The following NALF1 variants were observed in gnomAD, a reference collection of about 807,000 sequenced individuals.
The protein encoded by NALF1 is family with sequence similarity 155 member A.
A neutral mutation model predicts 48.4 loss-of-function variants in NALF1; 3 were observed. The observed-to-expected ratio is 0.06, with a 90% CI of 0.03 to 0.16. The LOEUF (loss-of-function observed/expected upper bound fraction) is 0.16, where lower values mean the gene tolerates loss of function less well. Among genes scored for constraint, NALF1 ranks in the 10% least tolerant of loss-of-function variants. NALF1 has a pLI of 1.00. For synonymous variants in NALF1, 262 were observed against 245.7 expected, an observed-to-expected ratio of 1.07 and a Z score of -0.62; for missense variants, 526 against 571.5, an observed-to-expected ratio of 0.92 and a Z score of 0.81.
intron 1 of NALF1, among the ~76,000 whole-genome samples, chr13:107,697,907 T>C (rs1881734048): frequency 6.6e-6 from 1 of 152,124 alleles, no homozygotes; most frequent in Non-Finnish European, 1.5e-5. Context: ...AAAGTACATA[T>C]GGGGGAAAGT....
intron 1 of NALF1, among the ~76,000 whole-genome samples, chr13:107,517,988 C>T (rs1327718104): frequency 2.6e-5 from 4 of 152,084 alleles, no homozygotes; most frequent in African/African-American, 7.2e-5. Context: ...AGCTCAAAAA[C>T]GTAGTTTGGA....
intron 1 of NALF1, among the ~76,000 whole-genome samples, chr13:107,604,894 A>C (rs749722889): frequency 6.6e-6 from 1 of 152,160 alleles, no homozygotes; most frequent in Non-Finnish European, 1.5e-5. Flanking sequence ...TACAGGTAAT[A>C]ATTGTGAGAG....
At chr13:107,507,965 C>T (rs1034227981) in intron 1 of NALF1, among the ~76,000 whole-genome samples, 4 of 152,094 alleles carry the variant, frequency 2.6e-5, no homozygotes, top group African/African-American at 7.2e-5. Context: ...CTTTCTGCTC[C>T]GAAATCCCAC....
At chr13:107,861,865 T>TA (rs34073199) in intron 1 of NALF1, among the ~76,000 whole-genome samples, 113,382 of 152,120 alleles carry the variant, frequency 0.75, 42,585 homozygotes, top group African/African-American at 0.78. Context: ...GTACATTATG[T>TA]AACCAAACTC....
chr13:107,166,601 G>A lies in NALF1; in HGVS notation c.*3896C>T, dbSNP rs1438235656. The A allele has an allele frequency of 2.0e-5, 3 of 152,144 alleles. No individual in the cohort carries two copies. Among genetic ancestry groups the A allele is most frequent in the African/African-American group, 7.2e-5 (3 of 41,426 alleles). The allele number at this position is 152,144 out of a possible 1,614,324, so 9.4% of individuals were successfully genotyped here. The stretch of plus-strand genomic sequence containing the variant: ...CTTCAGACTGGTTAACGTTTTTGAT[G>A]TTGTTCAGATATCAAATACCATATG... On this transcript the variant is annotated 3_prime_UTR_variant, in exon 3 of 3. Coordinates refer to ENST00000375915, the MANE Select transcript of NALF1 (RefSeq NM_001080396.3).
At chr13:107,265,652 C>A (rs1372763675) in intron 1 of NALF1, among the ~76,000 whole-genome samples, 1 of 151,934 alleles carries the variant, frequency 6.6e-6, no homozygotes, top group African/African-American at 2.4e-5. Context: ...GTGATCCACC[C>A]GTCTTGGCCT....
chr13:107,507,640 G>C (rs1404114142), intron 1 of NALF1, among the ~76,000 whole-genome samples: 1 of 122,702 alleles, frequency 8.1e-6, no homozygotes, highest in African/African-American at 3.4e-5. Context: ...ACACACCCAA[G>C]ACAGTAGGGA....
intron 1 of NALF1, among the ~76,000 whole-genome samples, chr13:107,239,995 C>T (rs1199498707): frequency 1.3e-5 from 2 of 152,124 alleles, no homozygotes; most frequent in East Asian, 3.9e-4. Context: ...TGCATTAAAT[C>T]AAATCTGGTA....
intron 1 of NALF1, among the ~76,000 whole-genome samples, chr13:107,282,268 C>T (rs1489962246): frequency 7.2e-5 from 11 of 152,250 alleles, no homozygotes; most frequent in Middle Eastern, 3.4e-3. Flanking sequence ...CAAATAATAG[C>T]GTGAATAATA....
At chr13:107,688,247 G>T (rs1881483680) in intron 1 of NALF1, among the ~76,000 whole-genome samples, 2 of 152,160 alleles carry the variant, frequency 1.3e-5, no homozygotes, top group Admixed American at 1.3e-4. Flanking sequence ...CCCAAGGCTA[G>T]AGAGATATTA....
chr13:107,404,346 T>C (rs1347768049), intron 1 of NALF1, among the ~76,000 whole-genome samples: 20 of 152,066 alleles, frequency 1.3e-4, no homozygotes, highest in Admixed American at 1.2e-3. Context: ...AGTGACACCA[T>C]GATAACTTCC....
At chr13:107,184,652 G>A (rs907782321) in intron 2 of NALF1, among the ~76,000 whole-genome samples, 5 of 151,908 alleles carry the variant, frequency 3.3e-5, no homozygotes, top group Admixed American at 6.5e-5. Context: ...GCTAAATTCC[G>A]TTTCACTCTT....
chr13:107,681,788 C>T (rs1231437482), intron 1 of NALF1, among the ~76,000 whole-genome samples: 2 of 152,150 alleles, frequency 1.3e-5, no homozygotes, highest in South Asian at 2.1e-4. Flanking sequence ...TGTCACCAGC[C>T]CTGACACTGT....
At chr13:107,849,589 A>G (rs940822850) in intron 1 of NALF1, among the ~76,000 whole-genome samples, 2 of 152,146 alleles carry the variant, frequency 1.3e-5, no homozygotes, top group Admixed American at 6.5e-5. Context: ...CTAATTGAAC[A>G]TCTTACAGGG....
At chr13:107,289,207 C>G (rs1881565924) in intron 1 of NALF1, among the ~76,000 whole-genome samples, 2 of 152,174 alleles carry the variant, frequency 1.3e-5, no homozygotes, top group African/African-American at 4.8e-5. Context: ...TATATAAAAT[C>G]ATAACCCCTC....
At chr13:107,773,467 G>C (rs1309722510) in intron 1 of NALF1, among the ~76,000 whole-genome samples, 2 of 151,906 alleles carry the variant, frequency 1.3e-5, no homozygotes, top group Non-Finnish European at 2.9e-5. Flanking sequence ...GGTTAAATAA[G>C]CTAAAATTCT....
intron 1 of NALF1, among the ~76,000 whole-genome samples, chr13:107,728,014 T>A (rs1876207400): frequency 6.6e-6 from 1 of 152,104 alleles, no homozygotes; most frequent in African/African-American, 2.4e-5. Flanking sequence ...AGAACGGTGA[T>A]CATCAAAAAG....
chr13:107,769,867 T>C (rs532516222), intron 1 of NALF1, among the ~76,000 whole-genome samples: 54 of 152,234 alleles, frequency 3.5e-4, no homozygotes, highest in African/African-American at 1.2e-3. Context: ...ATATACATCC[T>C]CCAAATATCT....
At chr13:107,335,124 C>T (rs1337572024) in intron 1 of NALF1, among the ~76,000 whole-genome samples, 1 of 152,108 alleles carries the variant, frequency 6.6e-6, no homozygotes, top group Non-Finnish European at 1.5e-5. Context: ...CTCATCTGCC[C>T]CACACCCAGC....
Sources: gnomAD v4.1 joint callset for allele counts (sites outside exome capture counted in the v4.1 genomes callset) on GRCh38, gnomAD v4.1.1 for gene constraint, MANE v1.5 for transcripts, NCBI Gene and HGNC (gene_info 2026-07-23, HGNC 2026-07-21) for gene names.